PDE2A: variants seen among roughly 807,000 people sequenced by gnomAD.
The protein encoded by PDE2A is cGMP-dependent 3',5'-cyclic phosphodiesterase.
In PDE2A, 53 loss-of-function variants were observed where a neutral mutation model predicts 133.6. That is an observed-to-expected ratio of 0.40 (90% CI 0.32 to 0.50). The LOEUF is 0.50. Ranked by LOEUF, PDE2A falls within the 20% of genes least tolerant of loss-of-function variation. PDE2A has a pLI of 0.73. For synonymous variants in PDE2A, 491 were observed against 490.2 expected (o/e 1.00, Z -0.02); for missense variants, 796 against 1,232.4 (o/e 0.65, Z 5.30).
intron 19 of PDE2A, 177 bp from the exon 20 acceptor site, chr11:72,583,692 C>CA: frequency 3.3e-6 from 2 of 603,994 alleles, no homozygotes; most frequent in South Asian, 2.0e-5. Flanking sequence ...TCATCCAGAC[C>CA]CCGCGCCGGT....
At chr11:72,581,099 G>C in intron 23 of PDE2A, 126 bp from the exon 24 acceptor site, 1 of 770,232 alleles carries the variant, frequency 1.3e-6, no homozygotes, top group Non-Finnish European at 2.2e-6. Flanking sequence ...GAACACCTGG[G>C]TTCCCTTCCT....
At position 72,579,087 on chromosome 11, in the gene PDE2A, C is replaced by T. The variant is rs547747322; in HGVS notation, c.2357-78G>A. 21 of 1,162,170 alleles carry T rather than the reference C, an allele frequency of 1.8e-5. No individual in the cohort carries two copies. In the Middle Eastern group the frequency reaches 7.7e-4, roughly 43 times the overall value. 72.0% of individuals were successfully genotyped at this position (1,162,170 alleles called of 1,614,324 possible). ...TGAGGACAAGGCTCCCAGGGCCCAA[C>T]CCAGAGCGGTCCAGGGAATTGGGCA... On this transcript the variant is annotated intron_variant, in intron 27 of 30. Coordinates refer to ENST00000334456, the MANE Select transcript of PDE2A (RefSeq NM_002599.5).
intron 1 of PDE2A, among the ~76,000 whole-genome samples, chr11:72,653,087 C>G (rs1358217619): frequency 6.6e-6 from 1 of 152,222 alleles, no homozygotes; most frequent in African/African-American, 2.4e-5. Flanking sequence ...GCTGCCAGCC[C>G]AAGGCCTAGC....
chr11:72,605,739 T>C (rs907309744), intron 3 of PDE2A, among the ~76,000 whole-genome samples: 10 of 152,182 alleles, frequency 6.6e-5, no homozygotes, highest in African/African-American at 2.4e-4. Flanking sequence ...CACTGCGCCA[T>C]CCTCCGGTGG....
intron 19 of PDE2A, 189 bp from the exon 20 acceptor site, chr11:72,583,704 C>G (rs1272197782): frequency 6.7e-6 from 4 of 592,730 alleles, no homozygotes; most frequent in Non-Finnish European, 1.2e-5. Context: ...CGCGCCGGTT[C>G]CTCCTCATCA....
At chr11:72,632,877 C>T (rs1858482613) in intron 2 of PDE2A, among the ~76,000 whole-genome samples, 2 of 152,080 alleles carry the variant, frequency 1.3e-5, no homozygotes, top group Middle Eastern at 3.2e-3. Flanking sequence ...CCCAACCCCA[C>T]CTAACTTCTG....
chr11:72,579,627 TG>T lies in PDE2A; in HGVS notation c.2182-20del. The T allele has an allele frequency of 6.3e-7, 1 of 1,589,102 alleles. No homozygotes were observed. The highest frequency in any genetic ancestry group is 8.6e-7 in the Non-Finnish European group (1 of 1,159,896). Reference sequence around the variant, plus strand: ...GGTGCCTCTGGGGGGAGAGGAGTGATGGGGGCCCAGCTGGGGCAGATGGGCT... The same window carrying T: ...GGTGCCTCTGGGGGGAGAGGAGTGATGGGGCCCAGCTGGGGCAGATGGGCT... On this transcript the variant is annotated intron_variant, in intron 25 of 30. Transcript: ENST00000334456.
chr11:72,662,801 C>G lies in PDE2A; in HGVS notation c.71+11336G>C, dbSNP rs117526175. On this transcript the variant is annotated intron_variant, in intron 1 of 30. Transcript: ENST00000334456. ...CTGCCTCTCACCTGGGTCTAGCCCC[C>G]CTACTTCACCCATCATTTGGAGCTT... Among the ~76,000 whole-genome samples the G allele has an allele frequency of 2.0e-3, 311 of 152,274 alleles. 10 individuals are homozygous for G. In the East Asian group the frequency reaches 0.042, roughly 21 times the overall value.
At chr11:72,591,959 AT>A (rs1856271825) in intron 6 of PDE2A, among the ~76,000 whole-genome samples, 1 of 152,218 alleles carries the variant, frequency 6.6e-6, no homozygotes, top group African/African-American at 2.4e-5. Flanking sequence ...CCAAAATCAC[AT>A]AGCAGAAAGT....
chr11:72,627,069 T>G (rs1858112994), intron 2 of PDE2A, among the ~76,000 whole-genome samples: 1 of 152,186 alleles, frequency 6.6e-6, no homozygotes, highest in Non-Finnish European at 1.5e-5. Context: ...GTTCTAAGGT[T>G]GCCTCCTCCA....
chr11:72,669,963 C>T (rs79709145), intron 1 of PDE2A, among the ~76,000 whole-genome samples: 239 of 152,324 alleles, frequency 1.6e-3, no homozygotes, highest in African/African-American at 5.5e-3. Flanking sequence ...CTGTTGGAGA[C>T]ACCTTCACGG....
chr11:72,660,854 G>A (rs557914305), intron 1 of PDE2A, among the ~76,000 whole-genome samples: 2 of 152,088 alleles, frequency 1.3e-5, no homozygotes, highest in East Asian at 1.9e-4. Context: ...AGGTGAGTGA[G>A]TATGTGTGAG....
rs189794231 is a variant in PDE2A at position 72,665,282 on chromosome 11, G to A, written c.71+8855C>T. On this transcript the variant is annotated intron_variant, in intron 1 of 30. Transcript: ENST00000334456. ...CCACAACCATGGGCCTCCCACCCTA[G>A]AGCCCTGCATGATTCAGGATATGCC... Among the ~76,000 whole-genome samples, 1,319 of 152,034 alleles carry A rather than the reference G, an allele frequency of 8.7e-3. 10 individuals carry two copies. Among genetic ancestry groups the A allele is most frequent in the Non-Finnish European group, 0.013 (871 of 67,974 alleles).
chr11:72,614,174 C>T (rs1857350731), intron 2 of PDE2A, among the ~76,000 whole-genome samples: 1 of 152,214 alleles, frequency 6.6e-6, no homozygotes. Context: ...CACACACCCA[C>T]GCCTGCCACC....
intron 2 of PDE2A, chr11:72,636,169 A>C: frequency 8.9e-7 from 1 of 1,118,428 alleles, no homozygotes; most frequent in Non-Finnish European, 1.1e-6. Context: ...GGCTACTCTC[A>C]AGGGAGCTGA....
intron 6 of PDE2A, among the ~76,000 whole-genome samples, chr11:72,592,027 C>A (rs868082020): frequency 1.3e-5 from 2 of 152,166 alleles, no homozygotes; most frequent in South Asian, 4.1e-4. Flanking sequence ...CACCTTCCCC[C>A]CTCTAGATCC....
intron 4 of PDE2A, among the ~76,000 whole-genome samples, chr11:72,600,122 C>G (rs1023324961): frequency 1.3e-5 from 2 of 152,200 alleles, no homozygotes; most frequent in Non-Finnish European, 2.9e-5. Flanking sequence ...CAAGGCTAGA[C>G]AGGGGCCAGG....
chr11:72,590,179 C>G lies in PDE2A; in HGVS notation c.756+13G>C, dbSNP rs536503797. The G allele has an allele frequency of 3.9e-6, 6 of 1,545,626 alleles. No homozygotes were observed. The East Asian group carries it at 1.2e-4, about 32-fold the overall frequency. On this transcript the variant is annotated intron_variant, in intron 9 of 30. Coordinates refer to ENST00000334456, the MANE Select transcript of PDE2A (RefSeq NM_002599.5). The surrounding 1 kb of genome is among the most constrained non-coding windows in gnomAD (Gnocchi z 4.8). ...AGGACGGGGAGGTGGCCGGCAGGGG[C>G]GCAGGGACTCACGTATTGGAGCACT...
chr11:72,602,013 T>A (rs1369043269), intron 4 of PDE2A, among the ~76,000 whole-genome samples: 1 of 152,178 alleles, frequency 6.6e-6, no homozygotes, highest in Non-Finnish European at 1.5e-5. Flanking sequence ...GAGGCCAATA[T>A]GGCCCAGACC....
Sources: allele counts gnomAD v4.1 joint callset (sites outside exome capture counted in the v4.1 genomes callset), GRCh38; gene constraint gnomAD v4.1.1; non-coding constraint Gnocchi (gnomAD v3.1); transcripts MANE v1.5; gene names NCBI Gene and HGNC (gene_info 2026-07-23, HGNC 2026-07-21).